Variants in VPS13C observed in about 807,000 individuals in gnomAD.
The protein encoded by VPS13C is intermembrane lipid transfer protein VPS13C.
In VPS13C, 358 loss-of-function variants were observed where a neutral mutation model predicts 456.8. The observed-to-expected ratio is 0.78, with a 90% CI of 0.72 to 0.86. The LOEUF is 0.86. Ranked by LOEUF, VPS13C falls within the 40% of genes least tolerant of loss-of-function variation. VPS13C has a pLI of 0.00. For missense variants in VPS13C, 4,818 were observed against 4,385.4 expected, an observed-to-expected ratio of 1.10 and a Z score of -2.79; for synonymous variants, 1,578 against 1,486.7, an observed-to-expected ratio of 1.06 and a Z score of -1.41.
intron 28 of VPS13C, among the ~76,000 whole-genome samples, chr15:61,967,890 C>G (rs945873497): frequency 6.6e-6 from 1 of 151,834 alleles, no homozygotes; most frequent in Non-Finnish European, 1.5e-5. Flanking sequence ...GGTAGATGTA[C>G]CAAGGAACTG....
At chr15:61,945,141 C>T (rs935929649) in intron 45 of VPS13C, among the ~76,000 whole-genome samples, 1 of 152,220 alleles carries the variant, frequency 6.6e-6, no homozygotes, top group African/African-American at 2.4e-5. Context: ...TCCCCTTCCA[C>T]CATGATTCAG....
intron 53 of VPS13C, among the ~76,000 whole-genome samples, chr15:61,924,138 T>C (rs1308778205): frequency 6.6e-6 from 1 of 151,898 alleles, no homozygotes; most frequent in Non-Finnish European, 1.5e-5. Context: ...AGTGCTGGGA[T>C]TACAGGCGTG....
Position 61,951,972 on chromosome 15 carries a change from A to G in VPS13C, c.4308T>C (p.Val1436=). ...LLNFEIKEVV[V]TLMKKSEKKG... The stretch of plus-strand genomic sequence containing the variant: ...TCTTTTCTGATTTTTTCATCAAAGT[A>G]ACCACAACCTAAAAAACGGTACCAG... The change falls in exon 39 of 85, where the codon GTT becomes GTC. Residue 1436 remains valine, a synonymous_variant. Transcript: ENST00000644861. The G allele has an allele frequency of 6.2e-7, 1 of 1,612,478 alleles. No homozygotes were observed. Among genetic ancestry groups the G allele is most frequent in the Non-Finnish European group, 8.5e-7 (1 of 1,179,482 alleles).
At chr15:61,899,531 C>G (rs866224194) in intron 66 of VPS13C, among the ~76,000 whole-genome samples, 103 of 151,648 alleles carry the variant, frequency 6.8e-4, no homozygotes, top group African/African-American at 2.0e-3. Context: ...ATAAATTCCT[C>G]GACACATACA....
At chr15:62,004,484 T>C (rs928601696) in intron 15 of VPS13C, among the ~76,000 whole-genome samples, 1 of 149,696 alleles carries the variant, frequency 6.7e-6, no homozygotes, top group Non-Finnish European at 1.5e-5. Context: ...CCTGGATTCA[T>C]TAATTTTTTG....
intron 6 of VPS13C, among the ~76,000 whole-genome samples, chr15:62,025,398 ACT>A (rs2047603229): frequency 6.6e-6 from 1 of 152,194 alleles, no homozygotes; most frequent in African/African-American, 2.4e-5. Flanking sequence ...AAAGTCACTG[ACT>A]CTGTTCTATT....
intron 44 of VPS13C, 22 bp downstream of exon 44, chr15:61,946,285 T>A: frequency 6.5e-7 from 1 of 1,542,146 alleles, no homozygotes; most frequent in East Asian, 2.3e-5. Context: ...AATTCCAATA[T>A]AAAAATCTAT....
intron 82 of VPS13C, among the ~76,000 whole-genome samples, chr15:61,857,624 A>C (rs1218357695): frequency 6.6e-6 from 1 of 152,176 alleles, no homozygotes; most frequent in African/African-American, 2.4e-5. Flanking sequence ...TTCACTTTTA[A>C]TGAAGAGGAA....
chr15:61,941,779 G>A lies in VPS13C; in HGVS notation c.5437C>T (p.Gln1813Ter). The A allele has an allele frequency of 1.2e-6, 2 of 1,611,576 alleles. No individual in the cohort carries two copies. The highest frequency in any genetic ancestry group is 1.7e-6 in the Non-Finnish European group (2 of 1,178,604). ...TATTTATACCTTGACAGCTTCAACTGAGTGAGTTCGATGTTCATTTTATCA... is the reference window on the plus strand; with the variant it reads ...TATTTATACCTTGACAGCTTCAACTAAGTGAGTTCGATGTTCATTTTATCA... ...VIDKMNIELTQLKLSRTILQA... is the reference protein window; with the variant it reads ...VIDKMNIELT The change falls in exon 46 of 85, where the codon CAG becomes TAG. Residue 1813 changes from glutamine (Q) to a stop codon, truncating the protein, a stop_gained. Coordinates refer to ENST00000644861, the MANE Select transcript of VPS13C (RefSeq NM_020821.3). LOFTEE classifies it high-confidence loss of function.
At chr15:62,037,311 A>C (rs28421152) in intron 3 of VPS13C, among the ~76,000 whole-genome samples, 2 of 65,278 alleles carry the variant, frequency 3.1e-5, no homozygotes, top group African/African-American at 6.3e-5. Context: ...TATATATATA[A>C]ATATATTATA....
At chr15:61,969,590 A>C (rs2140343919) in intron 27 of VPS13C, 138 bp from the exon 28 acceptor site, 1 of 431,718 alleles carries the variant, frequency 2.3e-6, no homozygotes, top group South Asian at 8.2e-5. Context: ...ATAGCAATTT[A>C]ATATAATTGG....
chr15:61,998,335 C>T (rs912089323), intron 16 of VPS13C, among the ~76,000 whole-genome samples: 2 of 152,108 alleles, frequency 1.3e-5, no homozygotes, highest in Admixed American at 1.3e-4. Flanking sequence ...CTACTTTATT[C>T]TTATTGAAGT....
intron 14 of VPS13C, among the ~76,000 whole-genome samples, chr15:62,008,253 T>C (rs941244626): frequency 6.6e-6 from 1 of 151,336 alleles, no homozygotes; most frequent in Non-Finnish European, 1.5e-5. Context: ...ATACAAAAAT[T>C]AGCTGGGCGT....
At chr15:61,891,149 G>C (rs952417151) in intron 66 of VPS13C, among the ~76,000 whole-genome samples, 10 of 152,116 alleles carry the variant, frequency 6.6e-5, no homozygotes, top group African/African-American at 2.4e-4. Context: ...AATCACACTG[G>C]TGAAGGTTAT....
intron 47 of VPS13C, 68 bp downstream of exon 47, chr15:61,940,579 G>T: frequency 4.0e-6 from 6 of 1,501,538 alleles, no homozygotes; most frequent in African/African-American, 1.4e-5. Context: ...ATATCCACTA[G>T]AACTGCACTA....
chr15:61,929,779 T>C, intron 50 of VPS13C, 31 bp from the exon 51 acceptor site: 1 of 1,579,690 alleles, frequency 6.3e-7, no homozygotes, highest in Non-Finnish European at 8.6e-7. Flanking sequence ...CATTATTTTA[T>C]TCTTGCTAAA....
At chr15:62,017,689 C>A (rs996194229) in intron 9 of VPS13C, among the ~76,000 whole-genome samples, 1 of 152,152 alleles carries the variant, frequency 6.6e-6, no homozygotes, top group African/African-American at 2.4e-5. Flanking sequence ...GTTACTGTAG[C>A]CTTGGAGTAT....
chr15:61,926,369 A>C (rs7172967), intron 52 of VPS13C, among the ~76,000 whole-genome samples: 101,168 of 152,192 alleles, frequency 0.66, 34,593 homozygotes, highest in East Asian at 0.85. Flanking sequence ...TACTGCACTA[A>C]AGGCTAGGTG....
rs1217703533 is a variant in VPS13C at position 61,978,692 on chromosome 15, T to G, written c.2224A>C (p.Met742Leu). Residue 742 changes from methionine to leucine, a missense_variant, in exon 23 of 85, where the codon ATG becomes CTG. Met to Leu is a conservative substitution (Grantham distance 15, BLOSUM62 2). This residue lies in a region of VPS13C where 4,552 missense variants were observed against 4,130.6 expected (regional missense o/e 1.10). Coordinates refer to ENST00000644861, the MANE Select transcript of VPS13C (RefSeq NM_020821.3). ...KTTNSSLEEI[M>L]DKAYDKFDVE... Reference sequence around the variant, plus strand: ...TCAAACTTGTCATATGCCTTATCCATTATTTCTTCCAGAGATGAATTAGTA... The same window carrying G: ...TCAAACTTGTCATATGCCTTATCCAGTATTTCTTCCAGAGATGAATTAGTA... 4 of 1,612,942 alleles carry G rather than the reference T, an allele frequency of 2.5e-6. No homozygotes were observed. The highest frequency in any genetic ancestry group is 3.4e-6 in the Non-Finnish European group (4 of 1,179,578).
Sources: gnomAD v4.1 joint callset for allele counts (sites outside exome capture counted in the v4.1 genomes callset) on GRCh38, gnomAD v4.1.1 for gene constraint, gnomAD v4.1.1 regional missense constraint, MANE v1.5 for transcripts, NCBI Gene and HGNC (gene_info 2026-07-23, HGNC 2026-07-21) for gene names.